TFDP1: variants seen among roughly 807,000 people sequenced by gnomAD.
The protein encoded by TFDP1 is DRTF1-polypeptide 1.
TFDP1 carries 6 observed loss-of-function variants against 48.0 expected under a neutral mutation model. The ratio of observed to expected loss-of-function variants is 0.13; its 90% confidence interval spans 0.07 to 0.25. The LOEUF is 0.25. Ranked by LOEUF, TFDP1 falls within the 10% of genes least tolerant of loss-of-function variation. The pLI is 1.00. For synonymous variants in TFDP1, 201 were observed against 211.6 expected, an observed-to-expected ratio of 0.95 and a Z score of 0.44; for missense variants, 335 against 543.0, an observed-to-expected ratio of 0.62 and a Z score of 3.81.
chr13:113,616,589 C>T (rs978373190), intron 3 of TFDP1, among the ~76,000 whole-genome samples: 8 of 152,182 alleles, frequency 5.3e-5, no homozygotes, highest in Non-Finnish European at 8.8e-5. Context: ...TAAAGAGCAT[C>T]TCCCTTTGTT....
Position 113,623,044 on chromosome 13 carries a change from C to A in TFDP1, c.80-136C>A. The stretch of plus-strand genomic sequence containing the variant: ...CTTCATGGAGGTGTTGCTCTTGAGC[C>A]CTGGATTTGAGACAGTACACGTGGG... On this transcript the variant is annotated intron_variant, in intron 3 of 11. Transcript: ENST00000375370. This position sits in a 1 kb window ranked among gnomAD's most constrained non-coding sequence, Gnocchi z 5.2. The A allele has an allele frequency of 1.3e-6, 1 of 752,334 alleles. No homozygotes were observed. Among genetic ancestry groups the A allele is most frequent in the Non-Finnish European group, 2.2e-6 (1 of 459,086 alleles). 46.6% of individuals were successfully genotyped at this position (752,334 alleles called of 1,614,324 possible). A position where few individuals can be genotyped will look rare whatever the true frequency, so the allele number is the denominator to read the frequency against.
chr13:113,615,565 G>A (rs1003953277), intron 3 of TFDP1, among the ~76,000 whole-genome samples: 6 of 152,144 alleles, frequency 3.9e-5, no homozygotes, highest in African/African-American at 1.4e-4. Context: ...TGCACCTCCT[G>A]TACCTAGAGG....
intron 11 of TFDP1, 124 bp downstream of exon 11, chr13:113,638,020 T>A: frequency 7.4e-7 from 1 of 1,344,148 alleles, no homozygotes; most frequent in South Asian, 1.4e-5. Context: ...GTGGCTTGTC[T>A]GTCCAGGCAG....
rs533306291 is a variant in TFDP1, at chr13:113,640,211, G to C, written c.1177G>C (p.Val393Leu). ...CAGGGTGGAGACTCCGGTGTCCTAC[G>C]TCGGGGAGGACGACGAGGAGGACGA... ...GSRVETPVSY[V>L]GEDDEEDDDF... The change falls in exon 12 of 12, where the codon GTC (valine) becomes CTC (leucine). Residue 393 changes from valine to leucine, a missense_variant. Physicochemically the swap from Val to Leu is conservative, Grantham distance 32. This residue lies in a region of TFDP1 where 204 missense variants were observed against 287.1 expected (regional missense o/e 0.71). Transcript: ENST00000375370. 6.2e-7 allele frequency: 1 copy of C among 1,613,368 alleles called. No individual in the cohort carries two copies. Among genetic ancestry groups the C allele is most frequent in the African/African-American group, 1.3e-5 (1 of 74,902 alleles).
At chr13:113,605,436 A>C (rs952946061) in intron 2 of TFDP1, among the ~76,000 whole-genome samples, 1 of 152,220 alleles carries the variant, frequency 6.6e-6, no homozygotes, top group Non-Finnish European at 1.5e-5. Flanking sequence ...TGAAACAGAC[A>C]AATGTAGTGG....
chr13:113,602,985 A>AGAAAC (rs1555352098), intron 2 of TFDP1, among the ~76,000 whole-genome samples: 1 of 146,954 alleles, frequency 6.8e-6, no homozygotes, highest in African/African-American at 2.6e-5. Flanking sequence ...AAAAAAAAAA[A>AGAAAC]ACGTATAATT....
At chr13:113,609,413 C>T (rs1245340640) in intron 2 of TFDP1, among the ~76,000 whole-genome samples, 3 of 152,160 alleles carry the variant, frequency 2.0e-5, no homozygotes, top group African/African-American at 4.8e-5. Context: ...CAGTTGGACC[C>T]GGTTGGAACG....
chr13:113,631,824 TCA>T, intron 5 of TFDP1, 80 bp downstream of exon 5: 2 of 1,573,024 alleles, frequency 1.3e-6, no homozygotes, highest in Non-Finnish European at 1.7e-6. Context: ...GCCACGTGTG[TCA>T]CACAGTCGTG....
intron 4 of TFDP1, among the ~76,000 whole-genome samples, chr13:113,631,060 T>A (rs1349880861): frequency 2.0e-5 from 3 of 152,232 alleles, no homozygotes; most frequent in Non-Finnish European, 4.4e-5. Context: ...GGTTACCAGG[T>A]GATGGCTGTC....
chr13:113,590,002 A>G (rs888798805), intron 2 of TFDP1, among the ~76,000 whole-genome samples: 1 of 152,244 alleles, frequency 6.6e-6, no homozygotes, highest in African/African-American at 2.4e-5. Context: ...CAAACATTAC[A>G]GGGATGCTTT....
chr13:113,593,143 G>A (rs1275514086), intron 2 of TFDP1, among the ~76,000 whole-genome samples: 1 of 133,170 alleles, frequency 7.5e-6, no homozygotes, highest in Non-Finnish European at 1.6e-5. Flanking sequence ...CTGCCCAGGT[G>A]ACAGGTGTGC....
chr13:113,619,621 G>A (rs1341910329), intron 3 of TFDP1, among the ~76,000 whole-genome samples: 2 of 152,086 alleles, frequency 1.3e-5, no homozygotes, highest in Non-Finnish European at 2.9e-5. Flanking sequence ...CGCTGTGGTC[G>A]GGTGGCTGTG....
rs1342400374 is a variant in TFDP1 at position 113,595,857 on chromosome 13, C to T, written c.12+10008C>T. 1.1e-4 allele frequency among the ~76,000 whole-genome samples: 17 copies of T among 152,244 alleles called. No homozygotes were observed. The East Asian group carries it at 1.7e-3, about 16-fold the overall frequency. On this transcript the variant is annotated intron_variant, in intron 2 of 11. Transcript: ENST00000375370. ...CAGCACTTTGGGAGGCTGAGGCGGGCGGATCACAAGGTCAGGATATCGAGA... is the reference window on the plus strand; with the variant it reads ...CAGCACTTTGGGAGGCTGAGGCGGGTGGATCACAAGGTCAGGATATCGAGA...
At chr13:113,602,178 A>C (rs1359274746) in intron 2 of TFDP1, among the ~76,000 whole-genome samples, 1 of 150,628 alleles carries the variant, frequency 6.6e-6, no homozygotes, top group African/African-American at 2.5e-5. Context: ...ACAGGAGTCG[A>C]GGGAGGAGTG....
chr13:113,588,032 T>C (rs1011380450), intron 2 of TFDP1, among the ~76,000 whole-genome samples: 1 of 152,124 alleles, frequency 6.6e-6, no homozygotes, highest in Non-Finnish European at 1.5e-5. Flanking sequence ...TTTTTGTTAG[T>C]AGACACGGGG....
At position 113,640,347 on chromosome 13, in the gene TFDP1, C is replaced by T. The variant is rs2049613306; in HGVS notation, c.*80C>T. 5 of 1,526,408 alleles carry T rather than the reference C, an allele frequency of 3.3e-6. No individual in the cohort carries two copies. In the South Asian group the frequency reaches 6.1e-5, roughly 19 times the overall value. The allele number at this position is 1,526,408 out of a possible 1,614,324, so 94.6% of individuals were successfully genotyped here. On this transcript the variant is annotated 3_prime_UTR_variant, in exon 12 of 12. Coordinates refer to ENST00000375370, the MANE Select transcript of TFDP1 (RefSeq NM_007111.5). ...TTTTTTTAATGTGGGTTTTCTGTTTCCTTTTGGCCTACTCCCAAGAAGATA... is the reference window on the plus strand; with the variant it reads ...TTTTTTTAATGTGGGTTTTCTGTTTTCTTTTGGCCTACTCCCAAGAAGATA...
intron 4 of TFDP1, among the ~76,000 whole-genome samples, chr13:113,625,445 C>A (rs1415019796): frequency 4.2e-4 from 45 of 108,300 alleles, no homozygotes; most frequent in African/African-American, 1.9e-3. Context: ...TCTCACATGT[C>A]CTCAGGTGTC....
chr13:113,611,682 C>G (rs1442993468), intron 3 of TFDP1, among the ~76,000 whole-genome samples: 2 of 152,202 alleles, frequency 1.3e-5, no homozygotes, highest in African/African-American at 4.8e-5. Flanking sequence ...CTGGTTACTT[C>G]CTGGGTAAAC....
intron 10 of TFDP1, chr13:113,637,533 G>T: frequency 5.3e-6 from 7 of 1,326,540 alleles, no homozygotes; most frequent in Non-Finnish European, 7.0e-6. Context: ...TTCACGATGG[G>T]TATGATACTG....
Sources: allele counts gnomAD v4.1 joint callset (sites outside exome capture counted in the v4.1 genomes callset), GRCh38; gene constraint gnomAD v4.1.1; regional missense constraint gnomAD v4.1.1; non-coding constraint Gnocchi (gnomAD v3.1); transcripts MANE v1.5; gene names NCBI Gene and HGNC (gene_info 2026-07-23, HGNC 2026-07-21).